The following ZNF22 variants were observed in gnomAD, a reference collection of about 807,000 sequenced individuals.
ZNF22 encodes the protein zinc finger protein 22, also known as krox-26 protein.
Under a neutral mutation model 17.0 loss-of-function variants are expected in ZNF22, and 15 were observed. The ratio of observed to expected loss-of-function variants is 0.88; its 90% CI spans 0.59 to 1.36. The LOEUF (loss-of-function observed/expected upper bound fraction) is 1.36. Ranked by LOEUF, ZNF22 falls within the 40% of genes most tolerant of loss-of-function variation. The probability of loss-of-function intolerance (pLI) is 0.00; values close to 1 mark genes in which losing one functional copy is unlikely to be tolerated. For missense variants in ZNF22, 272 were observed against 276.1 expected, an observed-to-expected ratio of 0.98 and a Z score of 0.11; for synonymous variants, 84 against 90.7, an observed-to-expected ratio of 0.93 and a Z score of 0.42.
rs896491260 is a variant in ZNF22 at position 45,005,055 on chromosome 10, G to C, written c.*1012G>C. 4.2e-5 allele frequency: 7 copies of C among 166,906 alleles called. No homozygotes were observed. Among genetic ancestry groups the C allele is most frequent in the African/African-American group, 1.7e-4 (7 of 41,472 alleles). 10.3% of individuals were successfully genotyped at this position (166,906 alleles called of 1,614,324 possible). A position where few individuals can be genotyped will look rare whatever the true frequency, so the allele number is the denominator to read the frequency against. On this transcript the variant is annotated 3_prime_UTR_variant, in exon 2 of 2. Coordinates refer to ENST00000298299, the MANE Select transcript of ZNF22 (RefSeq NM_006963.5). ...CTGCTTAAATGTTTGTCAACAACAA[G>C]AGTCGTAATGTGTCAGTACATTGTA...
rs2132822694 is a variant in ZNF22 at position 45,003,813 on chromosome 10, A to G, written c.445A>G (p.Ser149Gly). 1.2e-6 allele frequency: 2 copies of G among 1,614,180 alleles called. No individual in the cohort carries two copies. The highest frequency in any genetic ancestry group is 4.5e-5 in the East Asian group (2 of 44,884). ...GTGTGATGAGTGTGGCCGGTGTTTCAGCCAGAGCTCCCACCTTATTCAACA... is the reference window on the plus strand; with the variant it reads ...GTGTGATGAGTGTGGCCGGTGTTTCGGCCAGAGCTCCCACCTTATTCAACA... ...YQCDECGRCF[S>G]QSSHLIQHQR... The change falls in exon 2 of 2, where the codon AGC (serine) becomes GGC (glycine). Residue 149 changes from serine (S) to glycine (G), a missense_variant. Physicochemically the swap from Ser to Gly is moderately conservative, Grantham distance 56. Coordinates refer to ENST00000298299, the MANE Select transcript of ZNF22 (RefSeq NM_006963.5).
At chr10:45,002,218 A>G (rs1309707626) in intron 1 of ZNF22, 1 of 152,264 alleles carries the variant, frequency 6.6e-6, no homozygotes, top group African/African-American at 2.4e-5. Flanking sequence ...CTGACACAAG[A>G]TAATGAAAAA....
At chr10:45,003,106 G>A in intron 1 of ZNF22, 174 bp from the exon 2 acceptor site, 1 of 338,516 alleles carries the variant, frequency 3.0e-6, no homozygotes, top group South Asian at 9.5e-5. Context: ...GAATTACTTT[G>A]CAAGTATTTC....
chr10:45,003,332 C>G lies in ZNF22; in HGVS notation c.-37C>G. The G allele has an allele frequency of 1.3e-6, 2 of 1,535,824 alleles. No homozygotes were observed. Among genetic ancestry groups the G allele is most frequent in the Non-Finnish European group, 1.7e-6 (2 of 1,143,132 alleles). ...AATGAAACACTAGTTCAGAAGAAGC[C>G]TGTAAACTCTCTTACAAATACATTT... is the stretch of plus-strand genomic sequence containing the variant. On this transcript the variant is annotated 5_prime_UTR_variant, in exon 2 of 2. Coordinates refer to ENST00000298299, the MANE Select transcript of ZNF22 (RefSeq NM_006963.5).
rs571458031 is a variant in ZNF22, at chr10:45,003,390, G to A, written c.22G>A (p.Ala8Thr). 2.5e-6 allele frequency: 4 copies of A among 1,609,144 alleles called. No individual in the cohort carries two copies. The highest frequency in any genetic ancestry group is 2.5e-6 in the Non-Finnish European group (3 of 1,177,666). The change falls in exon 2 of 2, where the codon GCG becomes ACG. Residue 8 changes from alanine to threonine, a missense_variant. Ala to Thr is a moderately conservative substitution (Grantham distance 58, BLOSUM62 0). Transcript: ENST00000298299. MRLAKPK[A>T]GISRSSSQGK... ...CACCATGAGGTTAGCAAAGCCTAAAGCGGGTATTTCTCGGAGCTCAAGCCA... is the reference window on the plus strand; with the variant it reads ...CACCATGAGGTTAGCAAAGCCTAAAACGGGTATTTCTCGGAGCTCAAGCCA...
chr10:45,000,980 T>G lies in ZNF22; in HGVS notation c.-90+2T>G. On this transcript the variant is annotated splice_donor_variant, in intron 1 of 1. Transcript: ENST00000298299. LOFTEE classifies it low-confidence loss of function (5UTR_SPLICE). ...CAGAGTGGTGGCTGGTCCCGCGCGGTGAGTGGGATTGGGGCACTTGGGGCG... is the reference window on the plus strand; with the variant it reads ...CAGAGTGGTGGCTGGTCCCGCGCGGGGAGTGGGATTGGGGCACTTGGGGCG... The G allele has an allele frequency of 1.4e-6, 1 of 734,618 alleles. No homozygotes were observed. Among genetic ancestry groups the G allele is most frequent in the Non-Finnish European group, 1.8e-6 (1 of 554,110 alleles). The allele number at this position is 734,618 out of a possible 1,614,324, so 45.5% of individuals were successfully genotyped here.
Position 45,003,966 on chromosome 10 carries a change from A to G in ZNF22, c.598A>G (p.Lys200Glu). The change falls in exon 2 of 2, where the codon AAA (lysine) becomes GAA (glutamate). Residue 200 changes from lysine (K) to glutamate (E), a missense_variant. Lys to Glu is a moderately conservative substitution (Grantham distance 56). Transcript: ENST00000298299. ...KEEKPRKTRG[K>E]NIRVKTHLPS... is the part of the protein sequence containing the mutation. ...AGAGAAGCCTCGTAAAACCCGGGGC[A>G]AAAATATCAGGGTGAAGACTCACTT... is the stretch of plus-strand genomic sequence containing the variant. The G allele has an allele frequency of 1.9e-6, 3 of 1,614,162 alleles. No homozygotes were observed. Among genetic ancestry groups the G allele is most frequent in the Non-Finnish European group, 2.5e-6 (3 of 1,180,042 alleles).
At position 45,005,143 on chromosome 10, in the gene ZNF22, G is replaced by C. The variant is rs1257570289; in HGVS notation, c.*1100G>C. 1.8e-5 allele frequency: 3 copies of C among 166,892 alleles called. No individual in the cohort carries two copies. The highest frequency in any genetic ancestry group is 3.8e-4 in the East Asian group (2 of 5,200). 10.3% of individuals were successfully genotyped at this position (166,892 alleles called of 1,614,324 possible). ...TTGTTTTAAGGAGTCCGGCAAACAT[G>C]TTTCTTCACTTCCATGAGAATGGTG... On this transcript the variant is annotated 3_prime_UTR_variant, in exon 2 of 2. Coordinates refer to ENST00000298299, the MANE Select transcript of ZNF22 (RefSeq NM_006963.5).
At chr10:45,001,334 A>T (rs552636981) in intron 1 of ZNF22, among the ~76,000 whole-genome samples, 16 of 152,276 alleles carry the variant, frequency 1.1e-4, no homozygotes, top group African/African-American at 3.6e-4. Context: ...CGAGGACTAG[A>T]TACGTGGAAC....
At position 45,003,742 on chromosome 10, in the gene ZNF22, A is replaced by T. The variant is rs778770583; in HGVS notation, c.374A>T (p.Asn125Ile). ...GGAGAAAGCTTCAAACAGAGCTCAA[A>T]TCTCATTCAGCACCAGAGAATTCAT... ...ECGESFKQSS[N>I]LIQHQRIHTG... Residue 125 changes from asparagine to isoleucine, a missense_variant, in exon 2 of 2, where the codon AAT (asparagine) becomes ATT (isoleucine). Transcript: ENST00000298299. 1 of 1,614,204 alleles carries T rather than the reference A, an allele frequency of 6.2e-7. No homozygotes were observed.
chr10:45,001,164 CCGCGGCCTG>C (rs1842326276), intron 1 of ZNF22, among the ~76,000 whole-genome samples, 186 bp downstream of exon 1: 1 of 150,276 alleles, frequency 6.7e-6, no homozygotes, highest in Non-Finnish European at 1.5e-5. Flanking sequence ...CAGGGTGGGG[CCGCGGCCTG>C]CGCGGCGGGC....
chr10:45,003,875 C>T lies in ZNF22; in HGVS notation c.507C>T (p.Cys169=). The part of the protein sequence containing the change: ...RTHTGEKPYQ[C]SECGKCFSQS... ...ACACTGGGGAGAAACCCTACCAGTG[C>T]AGTGAATGTGGCAAATGTTTCAGTC... Residue 169 remains cysteine (C), a synonymous_variant, in exon 2 of 2, where the codon TGC becomes TGT. Transcript: ENST00000298299. 6.2e-7 allele frequency: 1 copy of T among 1,614,150 alleles called. No homozygotes were observed. Among genetic ancestry groups the T allele is most frequent in the Non-Finnish European group, 8.5e-7 (1 of 1,180,026 alleles).
rs961347491 is a variant in ZNF22, at chr10:45,004,951, C to T, written c.*908C>T. The T allele has an allele frequency of 1.2e-5, 2 of 167,114 alleles. No homozygotes were observed. The highest frequency in any genetic ancestry group is 1.3e-4 in the Admixed American group (2 of 15,284). The allele number at this position is 167,114 out of a possible 1,614,324, so 10.4% of individuals were successfully genotyped here. The stretch of plus-strand genomic sequence containing the variant: ...AACAAACTATTTTACCAAGAAAAAT[C>T]TCAGCTTGCTTACTGCTTAATTAAA... On this transcript the variant is annotated 3_prime_UTR_variant, in exon 2 of 2. Transcript: ENST00000298299.
At chr10:45,003,152 T>G in intron 1 of ZNF22, 128 bp from the exon 2 acceptor site, 2 of 415,906 alleles carry the variant, frequency 4.8e-6, no homozygotes. Flanking sequence ...TTGTTTGCAT[T>G]TATACTTTTT....
chr10:45,003,257 AT>A (rs1342439033), intron 1 of ZNF22, 22 bp from the exon 2 acceptor site: 18 of 1,024,368 alleles, frequency 1.8e-5, no homozygotes, highest in South Asian at 4.8e-5. Flanking sequence ...TCATCTCTAA[AT>A]TTTTTTTCCT....
chr10:45,005,321 ATAC>A (rs1588862107), exon 2 of ZNF22: 1 of 156,798 alleles, frequency 6.4e-6, no homozygotes, highest in Admixed American at 6.5e-5. Flanking sequence ...AATATTTTGT[ATAC>A]TACTACCTTC....
intron 1 of ZNF22, chr10:45,002,362 T>G (rs1842340633): frequency 6.6e-6 from 1 of 152,238 alleles, no homozygotes; most frequent in African/African-American, 2.4e-5. Context: ...TATAAATAAA[T>G]AAAATCATTT....
Position 45,003,327 on chromosome 10 carries a change from G to T in ZNF22, c.-42G>T, listed in dbSNP as rs781070097. The stretch of plus-strand genomic sequence containing the variant: ...TAGGAAATGAAACACTAGTTCAGAA[G>T]AAGCCTGTAAACTCTCTTACAAATA... On this transcript the variant is annotated 5_prime_UTR_variant, in exon 2 of 2. Transcript: ENST00000298299. The T allele has an allele frequency of 2.8e-5, 43 of 1,524,686 alleles. No individual in the cohort carries two copies. Among genetic ancestry groups the T allele is most frequent in the Admixed American group, 2.2e-5 (1 of 45,338 alleles). The allele number at this position is 1,524,686 out of a possible 1,614,324, so 94.4% of individuals were successfully genotyped here.
chr10:45,004,188 T>G lies in ZNF22; in HGVS notation c.*145T>G. On this transcript the variant is annotated 3_prime_UTR_variant, in exon 2 of 2. Coordinates refer to ENST00000298299, the MANE Select transcript of ZNF22 (RefSeq NM_006963.5). Reference sequence around the variant, plus strand: ...TTTGCTAGTGTGAAAACATTGGGAATTTAATGACATTATTGAGCTGAAAGA... The same window carrying G: ...TTTGCTAGTGTGAAAACATTGGGAAGTTAATGACATTATTGAGCTGAAAGA... 2.2e-6 allele frequency: 2 copies of G among 897,838 alleles called. No homozygotes were observed. Among genetic ancestry groups the G allele is most frequent in the Non-Finnish European group, 3.3e-6 (2 of 613,934 alleles). 55.6% of individuals were successfully genotyped at this position (897,838 alleles called of 1,614,324 possible).
Sources: allele counts gnomAD v4.1 joint callset (sites outside exome capture counted in the v4.1 genomes callset), GRCh38; gene constraint gnomAD v4.1.1; transcripts MANE v1.5; gene names NCBI Gene and HGNC (gene_info 2026-07-23, HGNC 2026-07-21).